The following DCP2 variants were observed in gnomAD, a reference collection of about 807,000 sequenced individuals.
DCP2 encodes decapping mRNA 2, also known as m7GpppN-mRNA hydrolase.
DCP2 carries 30 observed loss-of-function variants against 56.1 expected under a neutral mutation model. That is an observed-to-expected ratio of 0.53 (90% CI 0.40 to 0.73). DCP2 has a LOEUF of 0.73. DCP2 is among the 30% of genes least tolerant of loss of function. DCP2 has a pLI of 0.00. For synonymous variants in DCP2, 197 were observed against 163.3 expected (o/e 1.21, Z -1.57); for missense variants, 533 against 502.7 (o/e 1.06, Z -0.58).
intron 6 of DCP2, 26 bp downstream of exon 6, chr5:113,001,495 A>G (rs1399779665): frequency 3.7e-6 from 6 of 1,606,756 alleles, no homozygotes; most frequent in African/African-American, 1.3e-5. Context: ...TTGAAATGTA[A>G]CTTTCATGAT....
chr5:112,976,899 G>A lies in DCP2; in HGVS notation c.-35G>A, dbSNP rs1747730191. ...TACCGTCAGTCCCCGGCCGCGCGGA[G>A]CCGGGATGCACTGTTCCTGCTGTGG... On this transcript the variant is annotated 5_prime_UTR_variant, in exon 1 of 11. Coordinates refer to ENST00000389063, the MANE Select transcript of DCP2 (RefSeq NM_152624.6). 6.2e-7 allele frequency: 1 copy of A among 1,612,666 alleles called. No individual in the cohort carries two copies. Among genetic ancestry groups the A allele is most frequent in the African/African-American group, 1.3e-5 (1 of 74,924 alleles).
In DCP2 at chr5:113,021,371, A is replaced by AAAAC. The variant is rs1750116525; in HGVS notation, c.*7891_*7894dup. 7.1e-6 allele frequency among the ~76,000 whole-genome samples: 1 copy of AAAAC among 141,396 alleles called. No homozygotes were observed. Among genetic ancestry groups the AAAAC allele is most frequent in the Admixed American group, 6.9e-5 (1 of 14,476 alleles). 92.8% of individuals were successfully genotyped at this position (141,396 alleles called of 152,430 possible). On this transcript the variant is annotated 3_prime_UTR_variant, in exon 11 of 11. Transcript: ENST00000389063. ...GAACAGAGCAAGACTCTGTCTGGAA[A>AAAAC]AAACAAAAAACAACCAAAAAAAAAA... is the stretch of plus-strand genomic sequence containing the variant.
chr5:113,019,374 C>G lies in DCP2; in HGVS notation c.*5890C>G, dbSNP rs779112994. 1 of 152,164 alleles carries G rather than the reference C, an allele frequency of 6.6e-6. No homozygotes were observed. Among genetic ancestry groups the G allele is most frequent in the Non-Finnish European group, 1.5e-5 (1 of 68,032 alleles). 9.4% of individuals were successfully genotyped at this position (152,164 alleles called of 1,614,324 possible). A position where few individuals can be genotyped will look rare whatever the true frequency, so the allele number is the denominator to read the frequency against. On this transcript the variant is annotated 3_prime_UTR_variant, in exon 11 of 11. Coordinates refer to ENST00000389063, the MANE Select transcript of DCP2 (RefSeq NM_152624.6). ...TTCTTTATGCACTATACATATGATA[C>G]GCACTGACAGAAAAGCACAGAAGAC...
intron 10 of DCP2, among the ~76,000 whole-genome samples, chr5:113,012,778 G>T (rs1024933346): frequency 2.0e-5 from 3 of 152,066 alleles, no homozygotes; most frequent in African/African-American, 7.2e-5. Flanking sequence ...TGAGTAGCTG[G>T]GATTACAGGC....
chr5:112,990,091 T>G (rs906122748), intron 2 of DCP2, among the ~76,000 whole-genome samples: 10 of 152,216 alleles, frequency 6.6e-5, no homozygotes, highest in African/African-American at 2.2e-4. Context: ...GTAAATCGTT[T>G]ACTTGGCCAT....
chr5:112,988,267 A>G (rs1466200170), intron 2 of DCP2, among the ~76,000 whole-genome samples: 2 of 151,458 alleles, frequency 1.3e-5, no homozygotes, highest in Admixed American at 6.6e-5. Context: ...CGGATCACTA[A>G]GTCAGGAGAT....
intron 8 of DCP2, 74 bp from the exon 9 acceptor site, chr5:113,007,864 T>G: frequency 2.3e-6 from 3 of 1,320,908 alleles, no homozygotes; most frequent in South Asian, 1.4e-5. Context: ...CAGCTAAACA[T>G]ATTCATGGGG....
chr5:113,018,722 C>G lies in DCP2; in HGVS notation c.*5238C>G, dbSNP rs1749991417. 6.6e-6 allele frequency: 1 copy of G among 152,068 alleles called. No homozygotes were observed. The highest frequency in any genetic ancestry group is 1.5e-5 in the Non-Finnish European group (1 of 68,032). 9.4% of individuals were successfully genotyped at this position (152,068 alleles called of 1,614,324 possible). A position where few individuals can be genotyped will look rare whatever the true frequency, so the allele number is the denominator to read the frequency against. On this transcript the variant is annotated 3_prime_UTR_variant, in exon 11 of 11. Coordinates refer to ENST00000389063, the MANE Select transcript of DCP2 (RefSeq NM_152624.6). ...TTTGAAGACCTGTTGTTTCTTAATC[C>G]TTTTTCTTGGTGTGACTGGCCAGGA...
chr5:112,981,033 T>A (rs1390427371), intron 1 of DCP2, among the ~76,000 whole-genome samples: 2 of 152,048 alleles, frequency 1.3e-5, no homozygotes, highest in South Asian at 4.2e-4. Context: ...TTTATGATTT[T>A]TTTTTTAGAG....
At chr5:112,979,865 TG>T (rs1267418249) in intron 1 of DCP2, among the ~76,000 whole-genome samples, 5 of 152,188 alleles carry the variant, frequency 3.3e-5, no homozygotes, top group African/African-American at 1.2e-4. Context: ...TTTAGTCCCT[TG>T]GTGCCTTTTG....
chr5:113,020,933 T>C lies in DCP2; in HGVS notation c.*7449T>C, dbSNP rs939531441. The C allele has an allele frequency of 2.0e-5, 3 of 152,226 alleles. No homozygotes were observed. The highest frequency in any genetic ancestry group is 4.4e-5 in the Non-Finnish European group (3 of 68,044). The allele number at this position is 152,226 out of a possible 1,614,324, so 9.4% of individuals were successfully genotyped here. A position where few individuals can be genotyped will look rare whatever the true frequency, so the allele number is the denominator to read the frequency against. ...TAGATTGTTTGTAATGTACTATCAA[T>C]AAAATTGGCTGCTTGGGCGGTTTTA... On this transcript the variant is annotated 3_prime_UTR_variant, in exon 11 of 11. Coordinates refer to ENST00000389063, the MANE Select transcript of DCP2 (RefSeq NM_152624.6).
At chr5:113,000,365 G>T (rs1749102127) in intron 4 of DCP2, among the ~76,000 whole-genome samples, 1 of 150,534 alleles carries the variant, frequency 6.6e-6, no homozygotes, top group Non-Finnish European at 1.5e-5. Context: ...ACTGTGCCCA[G>T]TCCTATTTTT....
intron 2 of DCP2, among the ~76,000 whole-genome samples, chr5:112,989,268 A>T (rs1748460110): frequency 6.6e-6 from 1 of 152,238 alleles, no homozygotes; most frequent in African/African-American, 2.4e-5. Flanking sequence ...TAGGTTATTT[A>T]AATCATCTTA....
rs761573725 is a variant in DCP2, at chr5:112,994,609, C to T, written c.432+1839C>T. ...TAATACCTTGTGATGGATTGTTTGC[C>T]GTATTCTTATTTCTTACCATTTATC... is the stretch of plus-strand genomic sequence containing the variant. On this transcript the variant is annotated intron_variant, in intron 4 of 10. Coordinates refer to ENST00000389063, the MANE Select transcript of DCP2 (RefSeq NM_152624.6). Among the ~76,000 whole-genome samples, 6 of 151,972 alleles carry T rather than the reference C, an allele frequency of 3.9e-5. No homozygotes were observed. In the South Asian group the frequency reaches 6.2e-4, roughly 16 times the overall value.
chr5:112,986,951 T>C (rs1466472294), intron 2 of DCP2, among the ~76,000 whole-genome samples: 1 of 152,156 alleles, frequency 6.6e-6, no homozygotes, highest in Non-Finnish European at 1.5e-5. Context: ...TACAGTGAGC[T>C]GAGATGGCAC....
intron 4 of DCP2, among the ~76,000 whole-genome samples, chr5:112,995,881 C>T (rs1047389024): frequency 5.9e-5 from 9 of 152,162 alleles, no homozygotes; most frequent in African/African-American, 1.7e-4. Context: ...CGGTTCTAGA[C>T]GCTGGGAAGT....
Position 112,989,843 on chromosome 5 carries a change from T to C in DCP2, c.206-2278T>C, listed in dbSNP as rs1390026914. ...GAATCCAGTTAACATGCTATTTTAT[T>C]AATTTACTAGAGAGAGAAAACCTGT... is the stretch of plus-strand genomic sequence containing the variant. On this transcript the variant is annotated intron_variant, in intron 2 of 10. Transcript: ENST00000389063. 2.0e-5 allele frequency among the ~76,000 whole-genome samples: 3 copies of C among 152,192 alleles called. No individual in the cohort carries two copies. In the South Asian group the frequency reaches 6.2e-4, roughly 31 times the overall value.
chr5:113,001,901 C>G lies in DCP2; in HGVS notation c.806+227C>G, dbSNP rs528782924. On this transcript the variant is annotated intron_variant, in intron 7 of 10. Transcript: ENST00000389063. ...CAGGCACCTTTTAAAATAGTATACT[C>G]AAGAGGATACCAACTTTTTAGATAG... is the stretch of plus-strand genomic sequence containing the variant. Among the ~76,000 whole-genome samples, 6 of 152,094 alleles carry G rather than the reference C, an allele frequency of 3.9e-5. No individual in the cohort carries two copies. In the South Asian group the frequency reaches 1.0e-3, roughly 26 times the overall value.
At chr5:113,010,728 TG>T in intron 9 of DCP2, 27 bp from the exon 10 acceptor site, 1 of 1,484,908 alleles carries the variant, frequency 6.7e-7, no homozygotes, top group Non-Finnish European at 8.8e-7. Flanking sequence ...TATGTGTGTG[TG>T]TGTGTGTTTT....
Sources: gnomAD v4.1 joint callset for allele counts (sites outside exome capture counted in the v4.1 genomes callset) on GRCh38, gnomAD v4.1.1 for gene constraint, MANE v1.5 for transcripts, NCBI Gene and HGNC (gene_info 2026-07-23, HGNC 2026-07-21) for gene names.